The following GPM6A variants were observed in gnomAD, a reference collection of about 807,000 sequenced individuals.
GPM6A encodes the protein glycoprotein M6A.
A neutral mutation model predicts 32.1 loss-of-function variants in GPM6A; 7 were observed. The observed-to-expected ratio is 0.22, with a 90% confidence interval of 0.12 to 0.41. GPM6A has a LOEUF of 0.41. GPM6A is among the 10% of genes least tolerant of loss of function. The pLI, the probability that GPM6A is intolerant of heterozygous loss-of-function variation, is 1.00. For missense variants in GPM6A, 235 were observed against 347.2 expected, an observed-to-expected ratio of 0.68 and a Z score of 2.57; for synonymous variants, 130 against 123.4, an observed-to-expected ratio of 1.05 and a Z score of -0.35.
intron 1 of GPM6A, among the ~76,000 whole-genome samples, chr4:175,952,410 C>T (rs1283710045): frequency 6.6e-6 from 1 of 152,150 alleles, no homozygotes; most frequent in Non-Finnish European, 1.5e-5. Context: ...GTAGTGATCT[C>T]AGAATGGATG....
chr4:175,899,038 G>A (rs761433003), intron 1 of GPM6A, among the ~76,000 whole-genome samples: 12 of 152,010 alleles, frequency 7.9e-5, no homozygotes, highest in Non-Finnish European at 1.6e-4. Context: ...ATACTGTATT[G>A]CTTCTTTTGT....
At chr4:175,788,488 T>A (rs1733886986) in intron 1 of GPM6A, among the ~76,000 whole-genome samples, 1 of 152,042 alleles carries the variant, frequency 6.6e-6, no homozygotes, top group Admixed American at 6.6e-5. Flanking sequence ...CAGTTTTGAA[T>A]CCCAATACTT....
chr4:175,965,288 G>T (rs1234224076), intron 1 of GPM6A, among the ~76,000 whole-genome samples: 1 of 151,610 alleles, frequency 6.6e-6, no homozygotes, highest in Non-Finnish European at 1.5e-5. Flanking sequence ...ACAGACCATT[G>T]GTACTTAGAC....
intron 1 of GPM6A, chr4:175,947,756 A>G (rs1739657296): frequency 6.6e-6 from 1 of 152,178 alleles, no homozygotes; most frequent in South Asian, 2.1e-4. Context: ...TAATTGCACA[A>G]TCAATATTAC....
chr4:175,730,125 G>A (rs890253378), intron 1 of GPM6A, among the ~76,000 whole-genome samples: 9 of 151,918 alleles, frequency 5.9e-5, no homozygotes, highest in Non-Finnish European at 1.0e-4. Context: ...CCTTTACTCT[G>A]CATGCCCTTC....
intron 1 of GPM6A, among the ~76,000 whole-genome samples, chr4:175,936,244 T>G (rs1282012880): frequency 1.5e-5 from 2 of 131,346 alleles, no homozygotes; most frequent in Non-Finnish European, 3.0e-5. Context: ...AGGCAGAGCT[T>G]GCAGTGAGCC....
intron 1 of GPM6A, among the ~76,000 whole-genome samples, chr4:175,982,351 T>C (rs539586344): frequency 6.6e-6 from 1 of 152,178 alleles, no homozygotes; most frequent in Non-Finnish European, 1.5e-5. Context: ...TCCTTTGCTT[T>C]CTCTTAAAAG....
At chr4:175,925,655 T>A (rs1413642570) in intron 1 of GPM6A, among the ~76,000 whole-genome samples, 2 of 152,116 alleles carry the variant, frequency 1.3e-5, no homozygotes, top group African/African-American at 2.4e-5. Context: ...AGCTTTGGAA[T>A]AAAATCAATG....
At chr4:175,817,196 C>T (rs1044850865), upstream of GPM6A, among the ~76,000 whole-genome samples, 4 of 152,212 alleles carry the variant, frequency 2.6e-5, no homozygotes, top group Admixed American at 2.6e-4. Flanking sequence ...ACCACAAACA[C>T]TGCAATGTTT....
At chr4:175,738,221 A>G (rs985032703) in intron 1 of GPM6A, among the ~76,000 whole-genome samples, 4 of 152,106 alleles carry the variant, frequency 2.6e-5, no homozygotes, top group Non-Finnish European at 5.9e-5. Context: ...TACAGACATG[A>G]GTTACCGCGT....
At chr4:175,738,290 C>A (rs956301844) in intron 1 of GPM6A, among the ~76,000 whole-genome samples, 3 of 151,962 alleles carry the variant, frequency 2.0e-5, no homozygotes, top group Non-Finnish European at 4.4e-5. Context: ...TTGGAGGGAC[C>A]AAACGTTCAA....
intron 2 of GPM6A, among the ~76,000 whole-genome samples, chr4:175,697,414 A>G (rs1243540383): frequency 6.6e-6 from 1 of 152,154 alleles, no homozygotes; most frequent in Non-Finnish European, 1.5e-5. Context: ...CTGATGAAAA[A>G]AATGTCCTCC....
intron 1 of GPM6A, among the ~76,000 whole-genome samples, chr4:175,726,681 A>G (rs1746425878): frequency 6.6e-6 from 1 of 152,204 alleles, no homozygotes; most frequent in South Asian, 2.1e-4. Flanking sequence ...AAGCTAAAAG[A>G]CACAAAAACT....
intron 3 of GPM6A, among the ~76,000 whole-genome samples, chr4:175,655,430 C>G (rs755495684): frequency 6.6e-5 from 10 of 151,802 alleles, no homozygotes; most frequent in Non-Finnish European, 1.5e-4. Flanking sequence ...CGTAGAAAAT[C>G]TTTTTATGTA....
chr4:175,795,747 T>G (rs1377822712), intron 1 of GPM6A: 1 of 152,114 alleles, frequency 6.6e-6, no homozygotes, highest in African/African-American at 2.4e-5. Context: ...AGACCCTGTC[T>G]CAAAATAAAA....
intron 1 of GPM6A, among the ~76,000 whole-genome samples, chr4:175,804,749 T>A (rs1372083034): frequency 6.6e-6 from 1 of 152,110 alleles, no homozygotes; most frequent in East Asian, 1.9e-4. Flanking sequence ...GTATAGGCTG[T>A]TAAAAATGAA....
In GPM6A at chr4:175,965,786, G is replaced by A. The variant is rs151136087; in HGVS notation, c.-23+36523C>T. On this transcript the variant is annotated intron_variant, in intron 1 of 7. Coordinates refer to the GPM6A transcript ENST00000280187. The stretch of plus-strand genomic sequence containing the variant: ...GTGGTACCACTCCCAGCTAATTTTT[G>A]TATTGTTAGTAGAGACGGGGTTTCA... Among the ~76,000 whole-genome samples, 80 of 151,996 alleles carry A rather than the reference G, an allele frequency of 5.3e-4. No homozygotes were observed. In the East Asian group the frequency reaches 0.015, roughly 29 times the overall value.
intron 1 of GPM6A, among the ~76,000 whole-genome samples, chr4:175,968,102 G>A (rs768502803): frequency 7.9e-5 from 12 of 151,976 alleles, no homozygotes; most frequent in South Asian, 2.1e-4. Context: ...AATCGAGAGC[G>A]TAGTAATAGA....
chr4:175,707,917 A>T lies in GPM6A; in HGVS notation c.38-6150T>A, dbSNP rs147158016. On this transcript the variant is annotated intron_variant, in intron 1 of 6. Coordinates refer to ENST00000393658, the MANE Select transcript of GPM6A (RefSeq NM_201591.3). ...TCTTCTTTTTATCTACCATTTCAAT[A>T]AATTTTTCTAATGTAAGTGAAACTT... Among the ~76,000 whole-genome samples, 50 of 152,298 alleles carry T rather than the reference A, an allele frequency of 3.3e-4. No homozygotes were observed. The East Asian group carries it at 9.6e-3, about 29-fold the overall frequency.
Sources: allele counts gnomAD v4.1 joint callset (sites outside exome capture counted in the v4.1 genomes callset), GRCh38; gene constraint gnomAD v4.1.1; transcripts MANE v1.5; gene names NCBI Gene and HGNC (gene_info 2026-07-23, HGNC 2026-07-21).